PTPRS: variants seen among roughly 807,000 people sequenced by gnomAD.
The protein encoded by PTPRS is receptor-type tyrosine-protein phosphatase S.
Under a neutral mutation model 215.3 loss-of-function variants are expected in PTPRS, and 63 were observed. The observed-to-expected ratio is 0.29, with a 90% confidence interval of 0.24 to 0.36. The LOEUF is 0.36. Among genes scored for constraint, PTPRS ranks in the 10% least tolerant of loss-of-function variants. PTPRS has a pLI of 1.00. For missense variants in PTPRS, 2,258 were observed against 2,825.8 expected, an observed-to-expected ratio of 0.80 and a Z score of 4.56; for synonymous variants, 1,404 against 1,191.4, an observed-to-expected ratio of 1.18 and a Z score of -3.68.
chr19:5,218,987 T>C lies in PTPRS; in HGVS notation c.3924-189A>G. ...TGCCTATCGACACCACAAGGAGGCT[T>C]ATCTCAGCCCTGGGATGTGCCCCAT... On this transcript the variant is annotated intron_variant, in intron 23 of 37. Coordinates refer to ENST00000262963, the MANE Select transcript of PTPRS (RefSeq NM_002850.4). 3 of 671,654 alleles carry C rather than the reference T, an allele frequency of 4.5e-6. No individual in the cohort carries two copies. The East Asian group carries it at 8.2e-5, about 18-fold the overall frequency. The allele number at this position is 671,654 out of a possible 1,614,324, so 41.6% of individuals were successfully genotyped here.
intron 17 of PTPRS, 71 bp from the exon 18 acceptor site, chr19:5,223,368 T>G (rs1195442717): frequency 1.5e-6 from 2 of 1,378,220 alleles, no homozygotes; most frequent in Admixed American, 7.0e-5. Flanking sequence ...GGTGGGGTTG[T>G]ATTTTTAATT....
intron 16 of PTPRS, among the ~76,000 whole-genome samples, chr19:5,226,376 C>T (rs182682128): frequency 1.9e-3 from 293 of 152,294 alleles, no homozygotes; most frequent in Non-Finnish European, 2.9e-3. Context: ...TCATGAGAGC[C>T]GCTGGTTAAA....
At position 5,338,844 on chromosome 19, in the gene PTPRS, A is replaced by C. The variant is rs944120645; in HGVS notation, c.-95+1820T>G. ...GGGATGGCTTCCTTCTCCCGGGCGA[A>C]AGGCGGCAGAAAGAGGGAAGAAGGG... On this transcript the variant is annotated intron_variant, in intron 1 of 37. Coordinates refer to ENST00000262963, the MANE Select transcript of PTPRS (RefSeq NM_002850.4). The surrounding 1 kb of genome is among the most constrained non-coding windows in gnomAD (Gnocchi z 4.2). 1.3e-5 allele frequency among the ~76,000 whole-genome samples: 2 copies of C among 152,174 alleles called. No homozygotes were observed. Among genetic ancestry groups the C allele is most frequent in the African/African-American group, 4.8e-5 (2 of 41,438 alleles).
In PTPRS at chr19:5,231,387, C is replaced by A; in HGVS notation, c.2078G>T (p.Arg693Leu). 6.8e-6 allele frequency: 11 copies of A among 1,613,016 alleles called. No individual in the cohort carries two copies. Among genetic ancestry groups the A allele is most frequent in the Non-Finnish European group, 8.5e-6 (10 of 1,179,922 alleles). ...CTCTGTGTGAGCGACAGTCGTGATG[C>A]GGTACTGGGTCCACTTCTCCAAGGC... is the stretch of plus-strand genomic sequence containing the variant. ...LEALEKWTQY[R>L]ITTVAHTEVG... The change falls in exon 14 of 38, where the codon CGC becomes CTC. Residue 693 changes from arginine to leucine, a missense_variant. By Grantham distance (102) the Arg-to-Leu change is moderately radical. This residue lies in a region of PTPRS where 371 missense variants were observed against 446.7 expected (regional missense o/e 0.83). Coordinates refer to ENST00000262963, the MANE Select transcript of PTPRS (RefSeq NM_002850.4).
chr19:5,229,006 G>A (rs1463781972), intron 16 of PTPRS, among the ~76,000 whole-genome samples: 2 of 152,234 alleles, frequency 1.3e-5, no homozygotes, highest in Admixed American at 6.5e-5. Context: ...AAGGACCCAG[G>A]AGGCTTAAGC....
chr19:5,227,024 C>T (rs1272386156), intron 16 of PTPRS, among the ~76,000 whole-genome samples: 7 of 152,082 alleles, frequency 4.6e-5, no homozygotes, highest in Non-Finnish European at 1.0e-4. Flanking sequence ...ACTGCCCCCT[C>T]CTGCCCACCC....
Position 5,229,591 on chromosome 19 carries a change from T to C in PTPRS, c.2249A>G (p.His750Arg), listed in dbSNP as rs2042840363. 1 of 1,433,494 alleles carries C rather than the reference T, an allele frequency of 7.0e-7. No homozygotes were observed. Among genetic ancestry groups the C allele is most frequent in the Non-Finnish European group, 9.1e-7 (1 of 1,093,730 alleles). The allele number at this position is 1,433,494 out of a possible 1,614,324, so 88.8% of individuals were successfully genotyped here. ...GACCTGGTAGCCGCGGATCTGGCCG[T>C]GCTGCCGGCCGGGCGCGGGCGAGCG... Reference protein sequence around the residue: ...LWRSPAPGRQHGQIRGYQVHY... With the variant: ...LWRSPAPGRQRGQIRGYQVHY... Residue 750 changes from histidine to arginine, a missense_variant, in exon 15 of 38, where the codon CAC (histidine) becomes CGC (arginine). By Grantham distance (29) the His-to-Arg change is conservative (BLOSUM62 0). Around this residue, in one of 6 missense-constraint regions of PTPRS, gnomAD observed 371 missense variants for 446.7 expected, o/e 0.83. Coordinates refer to ENST00000262963, the MANE Select transcript of PTPRS (RefSeq NM_002850.4).
intron 2 of PTPRS, among the ~76,000 whole-genome samples, chr19:5,283,954 CCTG>C (rs2048101418): frequency 6.6e-5 from 10 of 152,294 alleles, no homozygotes; most frequent in Admixed American, 6.5e-4. Flanking sequence ...GGGACTCACG[CCTG>C]TAATCCCAGT....
rs1342501954 is a variant in PTPRS at position 5,237,374 on chromosome 19, G to A, written c.1849+1545C>T. 6.6e-6 allele frequency among the ~76,000 whole-genome samples: 1 copy of A among 152,218 alleles called. No individual in the cohort carries two copies. Among genetic ancestry groups the A allele is most frequent in the South Asian group, 2.1e-4 (1 of 4,832 alleles). On this transcript the variant is annotated intron_variant, in intron 13 of 37. Transcript: ENST00000262963. This position sits in a 1 kb window ranked among gnomAD's most constrained non-coding sequence, Gnocchi z 4.2. ...CCCGTCTCGGGGCAAGAAGCGGGGAGTCCCTTCTCCCCAACTCCCTGTCCT... is the reference window on the plus strand; with the variant it reads ...CCCGTCTCGGGGCAAGAAGCGGGGAATCCCTTCTCCCCAACTCCCTGTCCT...
At chr19:5,239,759 G>A (rs907533200) in intron 12 of PTPRS, among the ~76,000 whole-genome samples, 1 of 151,968 alleles carries the variant, frequency 6.6e-6, no homozygotes, top group Non-Finnish European at 1.5e-5. Context: ...GAGACAGAAA[G>A]AGAGGCAGAG....
rs756981192 is a variant in PTPRS, at chr19:5,274,181, C to T, written c.237+18G>A. 22 of 1,599,592 alleles carry T rather than the reference C, an allele frequency of 1.4e-5. No individual in the cohort carries two copies. Among genetic ancestry groups the T allele is most frequent in the Non-Finnish European group, 1.9e-5 (22 of 1,168,716 alleles). ...GGGGAGCATTGACCCCAGGCTGCCT[C>T]CCCCTACCCCAACTCACCTCAAAGC... On this transcript the variant is annotated intron_variant, in intron 3 of 37. Coordinates refer to ENST00000262963, the MANE Select transcript of PTPRS (RefSeq NM_002850.4).
intron 13 of PTPRS, among the ~76,000 whole-genome samples, chr19:5,238,300 G>C (rs1402253130): frequency 2.0e-5 from 3 of 152,152 alleles, no homozygotes; most frequent in Non-Finnish European, 4.4e-5. Flanking sequence ...CGGCACAGCA[G>C]AGAACTCCAG....
At chr19:5,322,600 G>T (rs1050966285) in intron 1 of PTPRS, among the ~76,000 whole-genome samples, 1 of 152,122 alleles carries the variant, frequency 6.6e-6, no homozygotes. Context: ...ACCTCAGGCG[G>T]CCGGGCGCGG....
At chr19:5,264,866 C>T in intron 5 of PTPRS, 142 bp downstream of exon 5, 1 of 940,628 alleles carries the variant, frequency 1.1e-6, no homozygotes, top group Middle Eastern at 2.6e-4. Context: ...TTTGCCCCCA[C>T]TCCCCCAGAG....
chr19:5,234,476 G>A (rs2043269838), intron 13 of PTPRS, among the ~76,000 whole-genome samples: 1 of 152,206 alleles, frequency 6.6e-6, no homozygotes, highest in South Asian at 2.1e-4. Context: ...TCCCAACTAT[G>A]CACCTGGCAC....
At chr19:5,214,253 G>A (rs10424335) in intron 30 of PTPRS, 108 bp downstream of exon 30, 204,937 of 1,477,816 alleles carry the variant, frequency 0.14, 15,889 homozygotes, top group African/African-American at 0.28. Context: ...GACACGCTCC[G>A]CTTTCTCTCT....
At chr19:5,332,711 G>A (rs1401453683) in intron 1 of PTPRS, among the ~76,000 whole-genome samples, 1 of 152,188 alleles carries the variant, frequency 6.6e-6, no homozygotes, top group Non-Finnish European at 1.5e-5. Flanking sequence ...ATGGCTGTGT[G>A]GTCTTGGGCA....
intron 2 of PTPRS, among the ~76,000 whole-genome samples, chr19:5,279,340 T>TTATTTG (rs1011332917): frequency 6.6e-6 from 1 of 151,842 alleles, no homozygotes; most frequent in African/African-American, 2.4e-5. Context: ...GAAGTTATTT[T>TTATTTG]TATTTTTATT....
At position 5,295,905 on chromosome 19, in the gene PTPRS, CCACCACGT is replaced by C. The variant is rs1300101836; in HGVS notation, c.-94-9679_-94-9672del. 1.3e-5 allele frequency among the ~76,000 whole-genome samples: 2 copies of C among 152,166 alleles called. No homozygotes were observed. Among genetic ancestry groups the C allele is most frequent in the Non-Finnish European group, 2.9e-5 (2 of 68,030 alleles). ...GAGTAGCTTGGACTACAGGCACATG[CCACCACGT>C]CTGGCTAATTTTTGGATTTTTTTGT... On this transcript the variant is annotated intron_variant, in intron 1 of 37. Coordinates refer to ENST00000262963, the MANE Select transcript of PTPRS (RefSeq NM_002850.4). This position sits in a 1 kb window ranked among gnomAD's most constrained non-coding sequence, Gnocchi z 4.6.
Sources: gnomAD v4.1 joint callset for allele counts (sites outside exome capture counted in the v4.1 genomes callset) on GRCh38, gnomAD v4.1.1 for gene constraint, gnomAD v4.1.1 regional missense constraint, Gnocchi (gnomAD v3.1) non-coding constraint, MANE v1.5 for transcripts, NCBI Gene and HGNC (gene_info 2026-07-23, HGNC 2026-07-21) for gene names.